KLRG1: variants seen among roughly 807,000 people sequenced by gnomAD.
KLRG1 encodes killer cell lectin-like receptor subfamily G member 1.
A neutral mutation model predicts 21.8 loss-of-function variants in KLRG1; 16 were observed. The ratio of observed to expected loss-of-function variants is 0.73; its 90% confidence interval spans 0.50 to 1.11. KLRG1 has a LOEUF of 1.11. KLRG1 is among the 50% of genes most tolerant of loss of function. The pLI, the probability that KLRG1 is intolerant of heterozygous loss-of-function variation, is 0.00. For missense variants in KLRG1, 173 were observed against 218.3 expected (o/e 0.79, Z 1.31); for synonymous variants, 69 against 75.9 (o/e 0.91, Z 0.47).
the KLRG1 span, among the ~76,000 whole-genome samples, chr12:9,198,881 A>C: frequency 1.3e-5 from 2 of 152,298 alleles, no homozygotes; most frequent in East Asian, 1.9e-4. Flanking sequence ...AATGAGGCAG[A>C]GATCTAGGCG....
the KLRG1 span, among the ~76,000 whole-genome samples, chr12:9,018,772 A>G: frequency 6.6e-6 from 1 of 152,082 alleles, no homozygotes; most frequent in Admixed American, 6.5e-5. Context: ...ATATACAAAA[A>G]TTAAATAAAA....
At chr12:9,089,084 T>C in the KLRG1 span, 12 of 804,698 alleles carry the variant, frequency 1.5e-5, no homozygotes, top group African/African-American at 5.2e-5. Context: ...GTCAAATGCA[T>C]TGATGGTGCT....
chr12:9,030,639 C>G, the KLRG1 span, among the ~76,000 whole-genome samples: 1 of 152,066 alleles, frequency 6.6e-6, no homozygotes, highest in Non-Finnish European at 1.5e-5. Context: ...AACTCCTAAC[C>G]TTGTGATCTG....
the KLRG1 span, chr12:9,168,508 G>A: frequency 5.5e-6 from 1 of 183,404 alleles, no homozygotes; most frequent in African/African-American, 2.4e-5. Flanking sequence ...TGTCACCAGT[G>A]AAGCCCTTTG....
chr12:9,010,055 G>A lies in KLRG1; in HGVS notation c.*518G>A. 1 of 1,522,058 alleles carries A rather than the reference G, an allele frequency of 6.6e-7. No homozygotes were observed. Among genetic ancestry groups the A allele is most frequent in the Non-Finnish European group, 8.8e-7 (1 of 1,135,646 alleles). 94.3% of individuals were successfully genotyped at this position (1,522,058 alleles called of 1,614,324 possible). Reference sequence around the variant, plus strand: ...GAATAAACCTAGCTGGCATGCTGGTGTGTACCTGTAGTCCTAGCTATTTGG... The same window carrying A: ...GAATAAACCTAGCTGGCATGCTGGTATGTACCTGTAGTCCTAGCTATTTGG... On this transcript the variant is annotated 3_prime_UTR_variant, in exon 5 of 5. Transcript: ENST00000356986.
chr12:9,014,887 A>C (rs931475823), downstream of KLRG1, among the ~76,000 whole-genome samples: 7 of 152,088 alleles, frequency 4.6e-5, no homozygotes, highest in Non-Finnish European at 8.8e-5. Flanking sequence ...TAGAGTTTTT[A>C]TTTGTTTTCT....
chr12:9,164,353 A>G, the KLRG1 span: 1 of 1,379,754 alleles, frequency 7.2e-7, no homozygotes, highest in Non-Finnish European at 9.9e-7. Context: ...GCTGCAGTAA[A>G]TTGGGATTTG....
chr12:9,194,281 A>G, the KLRG1 span: 1 of 1,590,168 alleles, frequency 6.3e-7, no homozygotes, highest in Non-Finnish European at 8.6e-7. Context: ...AACAACACCC[A>G]GAGAGGACTG....
chr12:9,063,295 A>G, the KLRG1 span, among the ~76,000 whole-genome samples: 1 of 152,364 alleles, frequency 6.6e-6, no homozygotes, highest in Middle Eastern at 3.4e-3. Flanking sequence ...ACAACCCAGT[A>G]TTCTCTGAGG....
chr12:9,072,199 A>G, the KLRG1 span, among the ~76,000 whole-genome samples: 1 of 152,208 alleles, frequency 6.6e-6, no homozygotes. Flanking sequence ...GGACAATGTA[A>G]ACCCCATCAT....
At chr12:9,162,549 C>G in the KLRG1 span, 67 of 1,330,188 alleles carry the variant, frequency 5.0e-5, no homozygotes, top group African/African-American at 8.3e-4. Flanking sequence ...GAGGTTTATA[C>G]CCCTTTGTGG....
At chr12:9,186,854 G>T in the KLRG1 span, among the ~76,000 whole-genome samples, 1 of 149,262 alleles carries the variant, frequency 6.7e-6, no homozygotes, top group Non-Finnish European at 1.5e-5. Context: ...CCTGTCGGGG[G>T]TGGGGGGCTG....
At chr12:8,979,032 T>C (rs766832676) in intron 1 of KLRG1, among the ~76,000 whole-genome samples, 1 of 147,824 alleles carries the variant, frequency 6.8e-6, no homozygotes, top group Non-Finnish European at 1.5e-5. Flanking sequence ...TTTTTTTTTT[T>C]TTAGACATAT....
chr12:9,196,858 A>G, the KLRG1 span, among the ~76,000 whole-genome samples: 1 of 152,210 alleles, frequency 6.6e-6, no homozygotes, highest in Admixed American at 6.5e-5. Flanking sequence ...TTAGTCGTCC[A>G]AATGAGAATC....
chr12:9,111,471 G>A, the KLRG1 span: 1 of 454,328 alleles, frequency 2.2e-6, no homozygotes, highest in Admixed American at 2.4e-5. Context: ...AGATGACATT[G>A]ACTAGGACTA....
At chr12:9,166,924 T>G in the KLRG1 span, 211 of 152,282 alleles carry the variant, frequency 1.4e-3, 1 homozygote, top group African/African-American at 4.7e-3. Context: ...TGATTTAAGA[T>G]CTCCCTCCAT....
intron 1 of KLRG1, among the ~76,000 whole-genome samples, chr12:8,951,538 A>C (rs1196735715): frequency 6.6e-6 from 1 of 152,204 alleles, no homozygotes; most frequent in Non-Finnish European, 1.5e-5. Context: ...TAATAGCATA[A>C]TATTTAGTTC....
chr12:9,052,449 A>G, the KLRG1 span, among the ~76,000 whole-genome samples: 3 of 152,372 alleles, frequency 2.0e-5, no homozygotes, highest in South Asian at 6.2e-4. Context: ...CAATCACGCC[A>G]TGCTGATGCC....
the KLRG1 span, among the ~76,000 whole-genome samples, chr12:9,093,183 C>T: frequency 0.25 from 37,319 of 152,000 alleles, 6,507 homozygotes; most frequent in African/African-American, 0.5. Context: ...ATGAGGACTG[C>T]AGTTGATAAT....
Sources: gnomAD v4.1 joint callset for allele counts (sites outside exome capture counted in the v4.1 genomes callset) on GRCh38, gnomAD v4.1.1 for gene constraint, MANE v1.5 for transcripts, NCBI Gene and HGNC (gene_info 2026-07-23, HGNC 2026-07-21) for gene names.